Variants in NCK2 observed in about 807,000 individuals in gnomAD.
The protein encoded by NCK2 is NCK adaptor protein 2.
A neutral mutation model predicts 33.9 loss-of-function variants in NCK2; 16 were observed. The observed-to-expected ratio is 0.47, with a 90% CI of 0.32 to 0.72. The LOEUF (loss-of-function observed/expected upper bound fraction) is 0.72. Ranked by LOEUF, NCK2 falls within the 30% of genes least tolerant of loss-of-function variation. The pLI, the probability that NCK2 is intolerant of heterozygous loss-of-function variation, is 0.03. For synonymous variants in NCK2, 273 were observed against 239.9 expected, an observed-to-expected ratio of 1.14 and a Z score of -1.27; for missense variants, 418 against 537.3, an observed-to-expected ratio of 0.78 and a Z score of 2.19.
intron 1 of NCK2, among the ~76,000 whole-genome samples, chr2:105,772,828 C>T (rs1039706217): frequency 6.6e-6 from 1 of 151,762 alleles, no homozygotes; most frequent in Non-Finnish European, 1.5e-5. Flanking sequence ...TGCCCTGCAT[C>T]TAGGTCTCCT....
In NCK2 at chr2:105,784,257, C is replaced by A. The variant is rs572820428; in HGVS notation, c.-200-32173C>A. Among the ~76,000 whole-genome samples, 17 of 152,340 alleles carry A rather than the reference C, an allele frequency of 1.1e-4. No individual in the cohort carries two copies. In the South Asian group the frequency reaches 3.5e-3, roughly 32 times the overall value. On this transcript the variant is annotated intron_variant, in intron 1 of 4. Coordinates refer to ENST00000233154, the MANE Select transcript of NCK2 (RefSeq NM_003581.5). The stretch of plus-strand genomic sequence containing the variant: ...ATGCTGGGACTACAGGCATGAGACA[C>A]CACGCCCGGCTGTTATTTCTAATAG...
intron 1 of NCK2, among the ~76,000 whole-genome samples, chr2:105,784,566 T>C (rs1690607161): frequency 6.6e-6 from 1 of 152,248 alleles, no homozygotes; most frequent in Non-Finnish European, 1.5e-5. Context: ...TTCAGGTCTT[T>C]ACAATGTAGG....
chr2:105,881,680 C>T lies in NCK2; in HGVS notation c.579C>T (p.Gly193=). Residue 193 remains glycine, a synonymous_variant, in exon 4 of 5, where the codon GGC becomes GGT. Coordinates refer to ENST00000233154, the MANE Select transcript of NCK2 (RefSeq NM_003581.5). ...GCGCCTCGCTGAGCAATGGCCAGGGCTCCCGCGTGCTGCATGTGGTCCAGA... is the reference window on the plus strand; with the variant it reads ...GCGCCTCGCTGAGCAATGGCCAGGGTTCCCGCGTGCTGCATGTGGTCCAGA... The part of the protein sequence containing the change: ...RKGASLSNGQ[G]SRVLHVVQTL... The T allele has an allele frequency of 6.2e-7, 1 of 1,613,770 alleles. No homozygotes were observed. Among genetic ancestry groups the T allele is most frequent in the Non-Finnish European group, 8.5e-7 (1 of 1,179,780 alleles).
intron 2 of NCK2, among the ~76,000 whole-genome samples, chr2:105,850,575 C>G (rs1287629776): frequency 6.6e-6 from 1 of 152,238 alleles, no homozygotes; most frequent in Admixed American, 6.5e-5. Context: ...TAGCCCTTCT[C>G]TCTTTGGGCT....
At chr2:105,887,551 A>AG (rs1254559293) in intron 4 of NCK2, among the ~76,000 whole-genome samples, 2 of 152,226 alleles carry the variant, frequency 1.3e-5, no homozygotes, top group Admixed American at 6.5e-5. Flanking sequence ...GTGAAAGATA[A>AG]GGAGAAGTTT....
intron 1 of NCK2, among the ~76,000 whole-genome samples, chr2:105,778,387 G>A (rs2104395916): frequency 6.6e-6 from 1 of 152,330 alleles, no homozygotes; most frequent in Middle Eastern, 3.4e-3. Flanking sequence ...TTGGTCAGCT[G>A]CCCACTCTGA....
chr2:105,745,269 C>T (rs1475309475), intron 1 of NCK2, 131 bp downstream of exon 1: 10 of 151,558 alleles, frequency 6.6e-5, no homozygotes, highest in Non-Finnish European at 1.5e-4. Context: ...CCCCTCCGCG[C>T]CCCTCCGGTG....
chr2:105,868,826 T>C (rs572505606), intron 3 of NCK2, among the ~76,000 whole-genome samples: 12 of 152,304 alleles, frequency 7.9e-5, no homozygotes, highest in African/African-American at 2.9e-4. Context: ...CTCAGCGCTT[T>C]TCTATGAAAA....
In NCK2 at chr2:105,893,984, TACACACACACACGTGCACACACAC is replaced by T. The variant is rs1373334613; in HGVS notation, c.*821_*844del. 2.3e-5 allele frequency: 3 copies of T among 132,342 alleles called. No individual in the cohort carries two copies. The highest frequency in any genetic ancestry group is 4.7e-5 in the Non-Finnish European group (3 of 63,874). The allele number at this position is 132,342 out of a possible 1,614,324, so 8.2% of individuals were successfully genotyped here. On this transcript the variant is annotated 3_prime_UTR_variant, in exon 5 of 5. Coordinates refer to ENST00000233154, the MANE Select transcript of NCK2 (RefSeq NM_003581.5). ...GGGGAAGGGAGCTACCAACACTTTA[TACACACACACACGTGCACACACAC>T]ACACACACACACTATATATATATAT...
At chr2:105,771,442 T>C (rs1172226253) in intron 1 of NCK2, among the ~76,000 whole-genome samples, 2 of 151,892 alleles carry the variant, frequency 1.3e-5, no homozygotes, top group Admixed American at 1.3e-4. Flanking sequence ...TGAGGGCGCC[T>C]GTAATCCCAG....
chr2:105,866,432 A>G lies in NCK2; in HGVS notation c.226+11143A>G, dbSNP rs373108494. ...GTTCATCTGTAACAGCAGTCCCCAAACTTTTTGGCACCAGGAACTGGTTTC... is the reference window on the plus strand; with the variant it reads ...GTTCATCTGTAACAGCAGTCCCCAAGCTTTTTGGCACCAGGAACTGGTTTC... On this transcript the variant is annotated intron_variant, in intron 3 of 4. Coordinates refer to ENST00000233154, the MANE Select transcript of NCK2 (RefSeq NM_003581.5). Among the ~76,000 whole-genome samples, 191 of 152,216 alleles carry G rather than the reference A, an allele frequency of 1.3e-3. 2 individuals carry two copies. The highest frequency in any genetic ancestry group is 4.3e-3 in the African/African-American group (177 of 41,526).
chr2:105,869,796 A>G (rs1001399688), intron 3 of NCK2, among the ~76,000 whole-genome samples: 11 of 152,196 alleles, frequency 7.2e-5, no homozygotes, highest in African/African-American at 2.7e-4. Flanking sequence ...AGAGGTACTA[A>G]ATATGTATTT....
At chr2:105,766,017 G>A (rs1206503133) in intron 1 of NCK2, among the ~76,000 whole-genome samples, 1 of 152,058 alleles carries the variant, frequency 6.6e-6, no homozygotes, top group Admixed American at 6.6e-5. Flanking sequence ...ACCAGTTCCT[G>A]GTACTCTGGC....
intron 3 of NCK2, among the ~76,000 whole-genome samples, chr2:105,869,133 C>T (rs980122725): frequency 1.3e-5 from 2 of 152,174 alleles, no homozygotes; most frequent in East Asian, 1.9e-4. Flanking sequence ...CCTGTTCATA[C>T]GTGCCCTCAC....
At chr2:105,823,187 G>A (rs1311877056) in intron 2 of NCK2, among the ~76,000 whole-genome samples, 2 of 150,950 alleles carry the variant, frequency 1.3e-5, no homozygotes, top group African/African-American at 4.9e-5. Flanking sequence ...AATGGAGGGG[G>A]TGTTGTAGGG....
chr2:105,844,132 A>G (rs1393847653), intron 2 of NCK2, among the ~76,000 whole-genome samples: 2 of 152,162 alleles, frequency 1.3e-5, no homozygotes, highest in Non-Finnish European at 2.9e-5. Flanking sequence ...TTCTCATGAC[A>G]TCAGACAAAT....
chr2:105,752,582 A>G (rs1689485441), intron 1 of NCK2, among the ~76,000 whole-genome samples: 1 of 152,142 alleles, frequency 6.6e-6, no homozygotes, highest in Admixed American at 6.5e-5. Context: ...TACAGGTGTT[A>G]TTTTGTTACA....
At chr2:105,813,536 G>A (rs1008539880) in intron 1 of NCK2, among the ~76,000 whole-genome samples, 5 of 152,332 alleles carry the variant, frequency 3.3e-5, no homozygotes, top group Admixed American at 2.0e-4. Flanking sequence ...GATAGTTGGA[G>A]GAAACCAGCC....
At chr2:105,787,374 A>T (rs1403763650) in intron 1 of NCK2, among the ~76,000 whole-genome samples, 1 of 152,152 alleles carries the variant, frequency 6.6e-6, no homozygotes, top group Admixed American at 6.5e-5. Context: ...TTTGGAGATG[A>T]GCCCTCTGAG....
Sources: gnomAD v4.1 joint callset for allele counts (sites outside exome capture counted in the v4.1 genomes callset) on GRCh38, gnomAD v4.1.1 for gene constraint, MANE v1.5 for transcripts, NCBI Gene and HGNC (gene_info 2026-07-23, HGNC 2026-07-21) for gene names.